The following KCNE1 variants were observed in gnomAD, a reference collection of about 807,000 sequenced individuals.
KCNE1 encodes potassium voltage-gated channel subfamily E member 1.
In KCNE1, 1 loss-of-function variant was observed where a neutral mutation model predicts 2.9. The ratio of observed to expected loss-of-function variants is 0.34; its 90% confidence interval spans 0.12 to 1.62. The LOEUF (loss-of-function observed/expected upper bound fraction) is 1.62. KCNE1 is among the 40% of genes most tolerant of loss of function. The pLI, the probability that KCNE1 is intolerant of heterozygous loss-of-function variation, is 0.36. For synonymous variants in KCNE1, 23 were observed against 65.4 expected (o/e 0.35, Z 3.13); for missense variants, 45 against 150.5 (o/e 0.30, Z 3.67).
intron 2 of KCNE1, among the ~76,000 whole-genome samples, chr21:34,507,067 A>C (rs1171871235): frequency 1.3e-5 from 2 of 152,190 alleles, no homozygotes; most frequent in Non-Finnish European, 2.9e-5. Flanking sequence ...GCATGTTAGG[A>C]GGCTGAGACT....
At position 34,450,145 on chromosome 21, in the gene KCNE1, GCCTTCTC is replaced by G. The variant is rs534753241; in HGVS notation, c.-50-468_-50-462del. 8.7e-4 allele frequency among the ~76,000 whole-genome samples: 70 copies of G among 80,410 alleles called. 6 individuals carry two copies. The highest frequency in any genetic ancestry group is 3.0e-3 in the African/African-American group (66 of 22,066). The allele number at this position is 80,410 out of a possible 152,430, so 52.8% of individuals were successfully genotyped here. On this transcript the variant is annotated intron_variant, in intron 3 of 3. Transcript: ENST00000399286. ...TGGTGAACACCCACTTCTTTTCTCT[GCCTTCTC>G]CCCCAGAGATGGACACTGCTGTGGC...
chr21:34,502,734 A>G (rs1264098135), intron 2 of KCNE1, among the ~76,000 whole-genome samples: 2 of 152,200 alleles, frequency 1.3e-5, no homozygotes. Context: ...GACACATGTG[A>G]AGTGCAAAGA....
chr21:34,498,016 C>G (rs1215927035), intron 2 of KCNE1, among the ~76,000 whole-genome samples: 1 of 151,964 alleles, frequency 6.6e-6, no homozygotes, highest in Non-Finnish European at 1.5e-5. Context: ...CTAAGTGTGT[C>G]TTCCATTTCC....
chr21:34,500,510 T>C (rs753458396), intron 2 of KCNE1, among the ~76,000 whole-genome samples: 11 of 152,240 alleles, frequency 7.2e-5, no homozygotes, highest in Non-Finnish European at 1.6e-4. Flanking sequence ...ATTTATGTTT[T>C]GCATAATGTA....
chr21:34,510,623 C>T (rs916368294), intron 2 of KCNE1: 1 of 152,702 alleles, frequency 6.5e-6, no homozygotes, highest in Non-Finnish European at 1.5e-5. Flanking sequence ...GCTTCAGCCT[C>T]TACCTGGGAC....
At chr21:34,497,820 G>T (rs1235304974) in intron 2 of KCNE1, among the ~76,000 whole-genome samples, 1 of 151,922 alleles carries the variant, frequency 6.6e-6, no homozygotes, top group African/African-American at 2.4e-5. Flanking sequence ...TTATTCTTAG[G>T]TTTGGCAGTT....
chr21:34,504,394 G>A (rs552632802), intron 2 of KCNE1, among the ~76,000 whole-genome samples: 3 of 152,314 alleles, frequency 2.0e-5, no homozygotes, highest in Non-Finnish European at 4.4e-5. Context: ...TACTCTCCAG[G>A]GTGGCCAGAA....
At position 34,449,484 on chromosome 21, in the gene KCNE1, G is replaced by C; in HGVS notation, c.151C>G (p.Leu51Val). ...AGGGTGAAGAAGCCGAAGAATCCCA[G>C]TACCATGAGGACGTAGAGGGCCTCC... Reference protein sequence around the residue: ...KLEALYVLMVLGFFGFFTLGI... With the variant: ...KLEALYVLMVVGFFGFFTLGI... The change falls in exon 4 of 4, where the codon CTG becomes GTG. Residue 51 changes from leucine (L) to valine (V), a missense_variant. Physicochemically the swap from Leu to Val is conservative, Grantham distance 32. Coordinates refer to ENST00000399286, the MANE Select transcript of KCNE1 (RefSeq NM_000219.6). 8.6e-7 allele frequency: 1 copy of C among 1,163,334 alleles called. No homozygotes were observed. The highest frequency in any genetic ancestry group is 1.2e-6 in the Non-Finnish European group (1 of 812,576). 72.1% of individuals were successfully genotyped at this position (1,163,334 alleles called of 1,614,324 possible). A position where few individuals can be genotyped will look rare whatever the true frequency, so the allele number is the denominator to read the frequency against.
intron 2 of KCNE1, among the ~76,000 whole-genome samples, chr21:34,506,825 A>G (rs965874978): frequency 2.6e-5 from 4 of 152,336 alleles, no homozygotes; most frequent in Non-Finnish European, 5.9e-5. Context: ...CCCGGAGCAG[A>G]GACATGTAGT....
rs555086287 is a variant in KCNE1 at position 34,449,389 on chromosome 21, G to C, written c.246C>G (p.Ile82Met). ...CCTTCTCTTGCCAGGCATCGGACTC[G>C]ATGTAGACGTTGAATGGGTCGTTCG... ...EHSNDPFNVY[I>M]ESDAWQEKDK... The change falls in exon 4 of 4, where the codon ATC becomes ATG. Residue 82 changes from isoleucine (I) to methionine (M), a missense_variant. Coordinates refer to ENST00000399286, the MANE Select transcript of KCNE1 (RefSeq NM_000219.6). 1.2e-6 allele frequency: 2 copies of C among 1,604,532 alleles called. No individual in the cohort carries two copies. The highest frequency in any genetic ancestry group is 1.7e-6 in the Non-Finnish European group (2 of 1,175,600).
intron 2 of KCNE1, among the ~76,000 whole-genome samples, chr21:34,502,371 A>T (rs1001498283): frequency 2.0e-5 from 3 of 152,228 alleles, no homozygotes; most frequent in African/African-American, 7.2e-5. Context: ...AATGATTCCA[A>T]CAGATGAAGG....
chr21:34,499,715 G>A (rs137956694), intron 2 of KCNE1, among the ~76,000 whole-genome samples: 5 of 152,232 alleles, frequency 3.3e-5, no homozygotes, highest in Non-Finnish European at 7.3e-5. Context: ...CCCCATTGGG[G>A]ATATGTGCTT....
intron 2 of KCNE1, among the ~76,000 whole-genome samples, chr21:34,498,279 T>C (rs963785502): frequency 6.6e-6 from 1 of 152,240 alleles, no homozygotes; most frequent in African/African-American, 2.4e-5. Flanking sequence ...ATTACCAGAA[T>C]TAATTTTCAG....
rs2123454784 is a variant in KCNE1, at chr21:34,448,700, A to T, written c.*545T>A. ...AGTGGCTTAAGGAAGAGTGGAGTGG[A>T]TTTCTCTCTCCTGTAAATCTGGCCT... On this transcript the variant is annotated 3_prime_UTR_variant, in exon 4 of 4. Coordinates refer to ENST00000399286, the MANE Select transcript of KCNE1 (RefSeq NM_000219.6). The T allele has an allele frequency of 1.3e-5, 1 of 75,068 alleles. No individual in the cohort carries two copies. The highest frequency in any genetic ancestry group is 4.5e-4 in the South Asian group (1 of 2,200). The allele number at this position is 75,068 out of a possible 1,614,324, so 4.7% of individuals were successfully genotyped here. A position where few individuals can be genotyped will look rare whatever the true frequency, so the allele number is the denominator to read the frequency against.
At chr21:34,508,633 G>A (rs1267513758) in intron 2 of KCNE1, among the ~76,000 whole-genome samples, 6 of 152,170 alleles carry the variant, frequency 3.9e-5, no homozygotes, top group South Asian at 2.1e-4. Context: ...ATGAGCCACC[G>A]CGCCCAGACT....
intron 1 of KCNE1, among the ~76,000 whole-genome samples, chr21:34,511,783 G>GGGCT (rs1022104720): frequency 9.2e-5 from 14 of 152,244 alleles, no homozygotes; most frequent in African/African-American, 3.4e-4. Flanking sequence ...GGGCATGATG[G>GGGCT]GGCTCTTCAC....
intron 2 of KCNE1, among the ~76,000 whole-genome samples, chr21:34,498,055 T>A (rs1324398110): frequency 6.6e-6 from 1 of 152,204 alleles, no homozygotes; most frequent in East Asian, 1.9e-4. Flanking sequence ...TTCTTTATGA[T>A]ATCTATTTAT....
chr21:34,506,938 A>T (rs1983527273), intron 2 of KCNE1, among the ~76,000 whole-genome samples: 1 of 152,230 alleles, frequency 6.6e-6, no homozygotes, highest in Admixed American at 6.5e-5. Flanking sequence ...GTCAGAGGAA[A>T]GCATCGAAGG....
At chr21:34,501,613 G>A (rs1259961146) in intron 2 of KCNE1, among the ~76,000 whole-genome samples, 1 of 152,136 alleles carries the variant, frequency 6.6e-6, no homozygotes, top group Non-Finnish European at 1.5e-5. Flanking sequence ...TGGATGAGAA[G>A]GTTTATAGTT....
Sources: allele counts gnomAD v4.1 joint callset (sites outside exome capture counted in the v4.1 genomes callset), GRCh38; gene constraint gnomAD v4.1.1; transcripts MANE v1.5; gene names NCBI Gene and HGNC (gene_info 2026-07-23, HGNC 2026-07-21).